ITGA8: variants seen among roughly 807,000 people sequenced by gnomAD.
The protein encoded by ITGA8 is integrin subunit alpha 8.
ITGA8 carries 91 observed loss-of-function variants against 142.3 expected under a neutral mutation model. The ratio of observed to expected loss-of-function variants is 0.64; its 90% CI spans 0.54 to 0.76. The LOEUF is 0.76. ITGA8 is among the 30% of genes least tolerant of loss of function. ITGA8 has a pLI of 0.00. For missense variants in ITGA8, 1,406 were observed against 1,327.7 expected, an observed-to-expected ratio of 1.06 and a Z score of -0.92; for synonymous variants, 505 against 485.2, an observed-to-expected ratio of 1.04 and a Z score of -0.54.
chr10:15,627,208 A>G (rs1187498788), intron 13 of ITGA8, among the ~76,000 whole-genome samples: 1 of 152,224 alleles, frequency 6.6e-6, no homozygotes, highest in African/African-American at 2.4e-5. Flanking sequence ...GGTGGGACCT[A>G]CTTTCACTGG....
chr10:15,714,691 T>A (rs1403473743), intron 2 of ITGA8, among the ~76,000 whole-genome samples: 1 of 152,008 alleles, frequency 6.6e-6, no homozygotes, highest in Non-Finnish European at 1.5e-5. Context: ...AAATAAATAA[T>A]GATTATTTCA....
At chr10:15,689,176 A>T (rs1834886884) in intron 2 of ITGA8, among the ~76,000 whole-genome samples, 1 of 152,192 alleles carries the variant, frequency 6.6e-6, no homozygotes, top group Non-Finnish European at 1.5e-5. Context: ...CAAAAACCCC[A>T]TTTACAATAG....
intron 8 of ITGA8, 113 bp from the exon 9 acceptor site, chr10:15,661,035 A>C: frequency 1.0e-6 from 1 of 997,770 alleles, no homozygotes. Context: ...AGTGGCTATC[A>C]TACAGAGCAG....
rs576383671 is a variant in ITGA8 at position 15,598,244 on chromosome 10, G to A, written c.2119-945C>T. On this transcript the variant is annotated intron_variant, in intron 20 of 29. Transcript: ENST00000378076. Reference sequence around the variant, plus strand: ...GGACTTTCATAAAACAGCAAATTTGGGGGGAATTTCTGTCCCTGTGATAGG... The same window carrying A: ...GGACTTTCATAAAACAGCAAATTTGAGGGGAATTTCTGTCCCTGTGATAGG... 2.1e-4 allele frequency among the ~76,000 whole-genome samples: 32 copies of A among 152,232 alleles called. No individual in the cohort carries two copies. In the South Asian group the frequency reaches 2.7e-3, roughly 13 times the overall value.
chr10:15,672,640 A>G lies in ITGA8; in HGVS notation c.786T>C (p.Tyr262=). Residue 262 remains tyrosine, a synonymous_variant, in exon 7 of 30, where the codon TAT becomes TAC. Transcript: ENST00000378076. ...EKQTEVAPAS[Y]DDSYLGYSVA... is the part of the protein sequence containing the mutation. ...GGGTCTTACCAAGGTAACTGTCATCATAGGAAGCTGGAGCCACTTCCGTCT... is the reference window on the plus strand; with the variant it reads ...GGGTCTTACCAAGGTAACTGTCATCGTAGGAAGCTGGAGCCACTTCCGTCT... 1 of 1,613,538 alleles carries G rather than the reference A, an allele frequency of 6.2e-7. No homozygotes were observed. The highest frequency in any genetic ancestry group is 1.1e-5 in the South Asian group (1 of 90,972).
chr10:15,545,200 C>T (rs1221387160), intron 27 of ITGA8, among the ~76,000 whole-genome samples: 1 of 152,180 alleles, frequency 6.6e-6, no homozygotes, highest in African/African-American at 2.4e-5. Context: ...AACAGTGTTC[C>T]CCCAAGTCTT....
intron 28 of ITGA8, 85 bp from the exon 29 acceptor site, chr10:15,519,497 G>T (rs2131530236): frequency 7.0e-7 from 1 of 1,431,790 alleles, no homozygotes; most frequent in East Asian, 2.3e-5. Flanking sequence ...AACATCGGAA[G>T]TTGATCTGAA....
chr10:15,519,231 C>A (rs1318106112), intron 29 of ITGA8, 59 bp downstream of exon 29: 3 of 1,596,230 alleles, frequency 1.9e-6, no homozygotes, highest in Non-Finnish European at 2.6e-6. Context: ...AACTGTATCC[C>A]TCTAAATTCC....
intron 13 of ITGA8, among the ~76,000 whole-genome samples, chr10:15,628,931 A>G (rs1281956156): frequency 6.6e-6 from 1 of 151,894 alleles, no homozygotes; most frequent in African/African-American, 2.4e-5. Context: ...CTCTACAACA[A>G]TCCTGAGTGG....
At chr10:15,556,280 C>T (rs1833888270) in intron 26 of ITGA8, among the ~76,000 whole-genome samples, 1 of 152,084 alleles carries the variant, frequency 6.6e-6, no homozygotes, top group South Asian at 2.1e-4. Context: ...CTGCCCACCT[C>T]AGCCTCCCAA....
intron 2 of ITGA8, among the ~76,000 whole-genome samples, chr10:15,708,255 G>T (rs1371861742): frequency 6.6e-6 from 1 of 152,160 alleles, no homozygotes; most frequent in Non-Finnish European, 1.5e-5. Context: ...GTTAAAGTGT[G>T]TAATGATTTA....
chr10:15,617,944 T>A (rs907573952), intron 13 of ITGA8, among the ~76,000 whole-genome samples: 3 of 152,196 alleles, frequency 2.0e-5, no homozygotes, highest in Non-Finnish European at 4.4e-5. Context: ...TGGATGGAAC[T>A]AGATGCCATT....
chr10:15,701,086 T>C (rs1421229095), intron 2 of ITGA8, among the ~76,000 whole-genome samples: 1 of 152,202 alleles, frequency 6.6e-6, no homozygotes, highest in Non-Finnish European at 1.5e-5. Flanking sequence ...CAAGTTCCCA[T>C]CTATTCATTC....
At chr10:15,613,576 A>T in intron 15 of ITGA8, 84 bp downstream of exon 15, 1 of 982,996 alleles carries the variant, frequency 1.0e-6, no homozygotes, top group Non-Finnish European at 1.6e-6. Context: ...CCCCAGACTT[A>T]CTGAATCCAA....
intron 27 of ITGA8, among the ~76,000 whole-genome samples, chr10:15,547,454 C>G (rs1042879036): frequency 2.0e-5 from 3 of 152,160 alleles, no homozygotes; most frequent in Non-Finnish European, 2.9e-5. Context: ...CGCCTGTAGT[C>G]CCAGCTACTT....
chr10:15,668,130 C>T (rs1364069352), intron 8 of ITGA8, among the ~76,000 whole-genome samples: 1 of 152,104 alleles, frequency 6.6e-6, no homozygotes, highest in Non-Finnish European at 1.5e-5. Context: ...GTTAAAGTCT[C>T]CCATTATTAT....
At chr10:15,594,690 G>A (rs906545421) in intron 21 of ITGA8, among the ~76,000 whole-genome samples, 1 of 152,154 alleles carries the variant, frequency 6.6e-6, no homozygotes, top group Non-Finnish European at 1.5e-5. Flanking sequence ...GCTGAGGCAG[G>A]AGAATCGCTT....
chr10:15,571,283 C>G (rs754618178), intron 25 of ITGA8, among the ~76,000 whole-genome samples: 25 of 152,204 alleles, frequency 1.6e-4, no homozygotes, highest in Admixed American at 7.2e-4. Context: ...CAGACCTGCT[C>G]TGTCTTGGCT....
intron 14 of ITGA8, among the ~76,000 whole-genome samples, chr10:15,616,162 A>G (rs1833387178): frequency 6.6e-6 from 1 of 152,246 alleles, no homozygotes; most frequent in South Asian, 2.1e-4. Flanking sequence ...AAATAGTAAC[A>G]TTCTTCTACC....
Sources: gnomAD v4.1 joint callset for allele counts (sites outside exome capture counted in the v4.1 genomes callset) on GRCh38, gnomAD v4.1.1 for gene constraint, MANE v1.5 for transcripts, NCBI Gene and HGNC (gene_info 2026-07-23, HGNC 2026-07-21) for gene names.